Variants in ABCB1 observed in about 807,000 individuals in gnomAD.
ABCB1 encodes ATP-dependent translocase ABCB1.
In ABCB1, 69 loss-of-function variants were observed where a neutral mutation model predicts 142.0. That is an observed-to-expected ratio of 0.49 (90% confidence interval 0.40 to 0.59). The LOEUF (loss-of-function observed/expected upper bound fraction) is 0.59, where lower values mean the gene tolerates loss of function less well. Ranked by LOEUF, ABCB1 falls within the 20% of genes least tolerant of loss-of-function variation. The pLI, the probability that ABCB1 is intolerant of heterozygous loss-of-function variation, is 0.00. For missense variants in ABCB1, 1,326 were observed against 1,554.7 expected (o/e 0.85, Z 2.47); for synonymous variants, 532 against 539.2 (o/e 0.99, Z 0.18).
chr7:87,656,431 G>A (rs568961803), intron 1 of ABCB1, among the ~76,000 whole-genome samples: 7 of 152,046 alleles, frequency 4.6e-5, no homozygotes, highest in Non-Finnish European at 1.0e-4. Flanking sequence ...GGACTGGAAC[G>A]ATGCAGAGAT....
intron 1 of ABCB1, among the ~76,000 whole-genome samples, chr7:87,674,998 ACAG>A (rs939061253): frequency 6.6e-6 from 1 of 152,198 alleles, no homozygotes; most frequent in African/African-American, 2.4e-5. Flanking sequence ...CCCTGTACCT[ACAG>A]CCTTTTCAGG....
chr7:87,517,143 G>C (rs769503116), intron 23 of ABCB1, among the ~76,000 whole-genome samples: 4 of 152,152 alleles, frequency 2.6e-5, no homozygotes, highest in Non-Finnish European at 5.9e-5. Context: ...CTATGTGATA[G>C]ATTGATTGCA....
At chr7:87,696,952 TC>T (rs1263850216) in intron 1 of ABCB1, among the ~76,000 whole-genome samples, 2 of 152,212 alleles carry the variant, frequency 1.3e-5, no homozygotes, top group Non-Finnish European at 2.9e-5. Context: ...TTCTAGTTTT[TC>T]TGTCTCTGTT....
Position 87,509,364 on chromosome 7 carries a change from C to A in ABCB1, c.3400G>T (p.Gly1134Ter), listed in dbSNP as rs767536622. Residue 1134 changes from glycine (G) to a stop codon, truncating the protein, a stop_gained, in exon 26 of 28, where the codon GGA (glycine) becomes TGA (stop). Transcript: ENST00000622132. LOFTEE classifies it high-confidence loss of function. ...TGTGACACCACCCGGCTGTTGTCTC[C>A]ATAGGCAATGTTCTCAGCAATGCTG... ...DCSIAENIAY[G>*]DNSRVVSQEE... 1 of 1,614,098 alleles carries A rather than the reference C, an allele frequency of 6.2e-7. No individual in the cohort carries two copies. The highest frequency in any genetic ancestry group is 8.5e-7 in the Non-Finnish European group (1 of 1,179,984).
Position 87,564,286 on chromosome 7 carries a change from A to G in ABCB1, c.702+1784T>C, listed in dbSNP as rs187476561. 3.7e-3 allele frequency: 1,184 copies of G among 320,600 alleles called. 19 individuals are homozygous for G. Among genetic ancestry groups the G allele is most frequent in the African/African-American group, 0.025 (1,122 of 45,094 alleles). The allele number at this position is 320,600 out of a possible 1,614,324, so 19.9% of individuals were successfully genotyped here. On this transcript the variant is annotated intron_variant, in intron 7 of 27. Coordinates refer to ENST00000622132, the MANE Select transcript of ABCB1 (RefSeq NM_001348946.2). ...TGAGCTGTGGTTCCAGGAGCGGTTT[A>G]ATATTCAGAGTGTTTGTAGTATTAT...
At chr7:87,608,262 G>A (rs1819728724) in intron 1 of ABCB1, among the ~76,000 whole-genome samples, 2 of 152,144 alleles carry the variant, frequency 1.3e-5, no homozygotes, top group South Asian at 2.1e-4. Context: ...CTCCTTACTT[G>A]TAAAATAAGA....
At chr7:87,528,595 T>C (rs760838153) in intron 21 of ABCB1, among the ~76,000 whole-genome samples, 6 of 152,138 alleles carry the variant, frequency 3.9e-5, no homozygotes, top group Non-Finnish European at 8.8e-5. Flanking sequence ...TAGTCCACAA[T>C]AATGTGCTGA....
chr7:87,683,433 A>C (rs1489810570), intron 1 of ABCB1, among the ~76,000 whole-genome samples: 1 of 152,182 alleles, frequency 6.6e-6, no homozygotes, highest in East Asian at 1.9e-4. Context: ...AATCGTGTAC[A>C]GCTTTTGATT....
At chr7:87,552,726 A>AAAAG (rs1817131325) in intron 9 of ABCB1, among the ~76,000 whole-genome samples, 1 of 151,614 alleles carries the variant, frequency 6.6e-6, no homozygotes. Context: ...AAAAAGAAAA[A>AAAAG]GAAGTGATTA....
At chr7:87,663,111 A>T in intron 1 of ABCB1, among the ~76,000 whole-genome samples, 1 of 152,090 alleles carries the variant, frequency 6.6e-6, no homozygotes, top group Non-Finnish European at 1.5e-5. Flanking sequence ...ACTTTACTGA[A>T]TTTGTTTATC....
intron 1 of ABCB1, among the ~76,000 whole-genome samples, chr7:87,627,064 G>A (rs188738089): frequency 2.6e-5 from 4 of 152,238 alleles, no homozygotes; most frequent in East Asian, 3.9e-4. Context: ...GTCAGCCACC[G>A]CGCCCAGCCC....
intron 1 of ABCB1, among the ~76,000 whole-genome samples, chr7:87,621,063 T>C (rs1209861553): frequency 6.6e-6 from 1 of 152,140 alleles, no homozygotes; most frequent in Non-Finnish European, 1.5e-5. Context: ...TTGCAAATAT[T>C]GGGAAGATGT....
rs1820534938 is a variant in ABCB1, at chr7:87,626,360, A to ATATGTGTCATATATATGTGTCG, written c.-330-25283_-330-25282insCGACACATATATATGACACATA. On this transcript the variant is annotated intron_variant, in intron 1 of 28. Transcript: ENST00000265724. ...CGTATATGTGTCATATATATGTGTC[A>ATATGTGTCATATATATGTGTCG]TATATATGTGTCATATGTATGTGTC... is the stretch of plus-strand genomic sequence containing the variant. 3.4e-4 allele frequency among the ~76,000 whole-genome samples: 8 copies of ATATGTGTCATATATATGTGTCG among 23,380 alleles called. 3 individuals are homozygous for ATATGTGTCATATATATGTGTCG. Among genetic ancestry groups the ATATGTGTCATATATATGTGTCG allele is most frequent in the Non-Finnish European group, 6.2e-5 (1 of 16,206 alleles). 15.3% of individuals were successfully genotyped at this position (23,380 alleles called of 152,430 possible). A position where few individuals can be genotyped will look rare whatever the true frequency, so the allele number is the denominator to read the frequency against.
At chr7:87,596,151 CCT>C (rs1819200842) in intron 2 of ABCB1, among the ~76,000 whole-genome samples, 1 of 151,876 alleles carries the variant, frequency 6.6e-6, no homozygotes, top group African/African-American at 2.4e-5. Flanking sequence ...AAAAGAGTTC[CCT>C]GTTTTTATTC....
intron 1 of ABCB1, chr7:87,650,880 C>A: frequency 6.2e-7 from 1 of 1,613,218 alleles, no homozygotes; most frequent in Non-Finnish European, 8.5e-7. Context: ...TGATTCTTCT[C>A]CTGAATTTAA....
intron 25 of ABCB1, 90 bp from the exon 26 acceptor site, chr7:87,509,571 C>A: frequency 1.5e-6 from 2 of 1,364,110 alleles, no homozygotes; most frequent in East Asian, 2.3e-5. Flanking sequence ...CTGAAACTGC[C>A]AAGTTACTGT....
At chr7:87,599,059 TTAACA>T (rs1295227081) in intron 2 of ABCB1, among the ~76,000 whole-genome samples, 1 of 152,212 alleles carries the variant, frequency 6.6e-6, no homozygotes, top group Non-Finnish European at 1.5e-5. Context: ...TAATTCAAAC[TTAACA>T]TTATTTTTAA....
chr7:87,651,735 T>C (rs1176566165), intron 1 of ABCB1, among the ~76,000 whole-genome samples: 1 of 152,158 alleles, frequency 6.6e-6, no homozygotes, highest in Non-Finnish European at 1.5e-5. Flanking sequence ...AGATTAATTC[T>C]ATTCTGTACT....
Position 87,539,350 on chromosome 7 carries a change from G to A in ABCB1, c.2320-5C>T. On this transcript the variant is annotated splice_polypyrimidine_tract_variant and splice_region_variant and intron_variant, in intron 18 of 27. Transcript: ENST00000622132. ...AGCTTTGCCAAATGTGAAACCCTGT[G>A]GGCAGGAACATACCTTGTCAGGGAC... The A allele has an allele frequency of 6.2e-7, 1 of 1,613,954 alleles. No individual in the cohort carries two copies. Among genetic ancestry groups the A allele is most frequent in the South Asian group, 1.1e-5 (1 of 91,078 alleles).
Sources: gnomAD v4.1 joint callset for allele counts (sites outside exome capture counted in the v4.1 genomes callset) on GRCh38, gnomAD v4.1.1 for gene constraint, MANE v1.5 for transcripts, NCBI Gene and HGNC (gene_info 2026-07-23, HGNC 2026-07-21) for gene names.